The following KANSL1L variants were observed in gnomAD, a reference collection of about 807,000 sequenced individuals.
KANSL1L encodes KAT8 regulatory NSL complex subunit 1 like.
KANSL1L carries 25 observed loss-of-function variants against 108.6 expected under a neutral mutation model. That is an observed-to-expected ratio of 0.23 (90% CI 0.17 to 0.32). The LOEUF (loss-of-function observed/expected upper bound fraction) is 0.32. Ranked by LOEUF, KANSL1L falls within the 10% of genes least tolerant of loss-of-function variation. The pLI is 1.00. For missense variants in KANSL1L, 1,137 were observed against 1,125.7 expected, an observed-to-expected ratio of 1.01 and a Z score of -0.14; for synonymous variants, 405 against 395.1, an observed-to-expected ratio of 1.03 and a Z score of -0.30.
At chr2:210,161,808 C>T (rs2095362800) in intron 1 of KANSL1L, among the ~76,000 whole-genome samples, 1 of 151,726 alleles carries the variant, frequency 6.6e-6, no homozygotes, top group Non-Finnish European at 1.5e-5. Context: ...TTCATTTATA[C>T]AGATAGTAAA....
chr2:210,137,509 T>C (rs1250325205), intron 2 of KANSL1L, among the ~76,000 whole-genome samples: 1 of 152,216 alleles, frequency 6.6e-6, no homozygotes, highest in Non-Finnish European at 1.5e-5. Flanking sequence ...TTTAAAATGC[T>C]GTAACAGAAT....
At chr2:210,062,835 G>T (rs557868792) in intron 6 of KANSL1L, among the ~76,000 whole-genome samples, 1 of 152,288 alleles carries the variant, frequency 6.6e-6, no homozygotes, top group Non-Finnish European at 1.5e-5. Context: ...CATAAAATTT[G>T]GAAACGTTGC....
intron 4 of KANSL1L, among the ~76,000 whole-genome samples, chr2:210,101,324 C>T (rs1372276723): frequency 6.6e-6 from 1 of 152,178 alleles, no homozygotes; most frequent in Non-Finnish European, 1.5e-5. Flanking sequence ...CTTCATTTTA[C>T]ACTAGGATCT....
Position 210,101,198 on chromosome 2 carries a change from C to T in KANSL1L, c.1428+2906G>A, listed in dbSNP as rs76786115. 7.9e-4 allele frequency among the ~76,000 whole-genome samples: 120 copies of T among 152,296 alleles called. 3 individuals carry two copies. In the East Asian group the frequency reaches 0.023, roughly 29 times the overall value. ...GACCTAAAATGATACCCAGGACCAG[C>T]TTCATGGGCATGTAACCTGTGCACC... On this transcript the variant is annotated intron_variant, in intron 4 of 14. Transcript: ENST00000281772.
In KANSL1L at chr2:210,153,906, T is replaced by C. The variant is rs1029185495; in HGVS notation, c.677A>G (p.His226Arg). The change falls in exon 2 of 15, where the codon CAT becomes CGT. Residue 226 changes from histidine to arginine, a missense_variant. His to Arg is a conservative substitution (Grantham distance 29). Transcript: ENST00000281772. ...KEEEVHARLL[H>R]CVSKQKILLS... is the part of the protein sequence containing the mutation. ...TAAAATTTTCTGTTTGCTTACACAATGAAGTAAACGAGCATGTACTTCCTC... is the reference window on the plus strand; with the variant it reads ...TAAAATTTTCTGTTTGCTTACACAACGAAGTAAACGAGCATGTACTTCCTC... 3 of 1,613,092 alleles carry C rather than the reference T, an allele frequency of 1.9e-6. No individual in the cohort carries two copies. Among genetic ancestry groups the C allele is most frequent in the South Asian group, 2.2e-5 (2 of 90,856 alleles).
In KANSL1L at chr2:210,023,105, T is replaced by C. The variant is rs746213602; in HGVS notation, c.2808A>G (p.Lys936=). ...DMAALLCQDE[K]KDQVERSSTA... Reference sequence around the variant, plus strand: ...TGCTTGACCTTTCAACCTGATCCTTTTTTTCATCTTGACATAATAAGGCTG... The same window carrying C: ...TGCTTGACCTTTCAACCTGATCCTTCTTTTCATCTTGACATAATAAGGCTG... Residue 936 remains lysine, a synonymous_variant, in exon 15 of 15, where the codon AAA becomes AAG. Transcript: ENST00000281772. The C allele has an allele frequency of 5.6e-6, 9 of 1,613,972 alleles. No homozygotes were observed. The highest frequency in any genetic ancestry group is 7.6e-6 in the Non-Finnish European group (9 of 1,179,968).
intron 6 of KANSL1L, among the ~76,000 whole-genome samples, chr2:210,065,317 G>GAAA (rs2094457870): frequency 1.3e-5 from 1 of 78,904 alleles, no homozygotes; most frequent in African/African-American, 4.8e-5. Context: ...AAAAAAAAAA[G>GAAA]AATCTGTTAC....
In KANSL1L at chr2:210,079,642, A is replaced by ATATATATATATATGTATGTG. The variant is rs2094569506; in HGVS notation, c.1551-3887_1551-3886insCACATACATATATATATATA. 2.2e-3 allele frequency among the ~76,000 whole-genome samples: 14 copies of ATATATATATATATGTATGTG among 6,482 alleles called. 1 individual carries two copies. Among genetic ancestry groups the ATATATATATATATGTATGTG allele is most frequent in the Middle Eastern group, 0.12 (1 of 8 alleles). 4.3% of individuals were successfully genotyped at this position (6,482 alleles called of 152,430 possible). A position where few individuals can be genotyped will look rare whatever the true frequency, so the allele number is the denominator to read the frequency against. ...TATATATATATATATATATATATAT[A>ATATATATATATATGTATGTG]TATATATATATATATATATATATGT... On this transcript the variant is annotated intron_variant, in intron 5 of 14. Coordinates refer to ENST00000281772, the MANE Select transcript of KANSL1L (RefSeq NM_152519.4).
intron 14 of KANSL1L, 146 bp from the exon 15 acceptor site, chr2:210,023,325 G>GCAA: frequency 1.6e-6 from 1 of 635,480 alleles, no homozygotes; most frequent in Non-Finnish European, 2.7e-6. Flanking sequence ...AACTTAAATA[G>GCAA]CAACTCAAAA....
At position 210,044,641 on chromosome 2, in the gene KANSL1L, C is replaced by T. The variant is rs184837045; in HGVS notation, c.1756-537G>A. Among the ~76,000 whole-genome samples, 336 of 150,532 alleles carry T rather than the reference C, an allele frequency of 2.2e-3. 2 individuals are homozygous for T. The highest frequency in any genetic ancestry group is 0.01 in the Middle Eastern group (3 of 288). ...TTATCAGAATATATTCCTAGCTTGC[C>T]AAAAGAACTTGAAAAAAAATATATT... On this transcript the variant is annotated intron_variant, in intron 6 of 14. Coordinates refer to ENST00000281772, the MANE Select transcript of KANSL1L (RefSeq NM_152519.4). This position sits in a 1 kb window ranked among gnomAD's most constrained non-coding sequence, Gnocchi z 4.2.
chr2:210,132,716 T>C (rs2095133207), intron 2 of KANSL1L, among the ~76,000 whole-genome samples: 1 of 152,196 alleles, frequency 6.6e-6, no homozygotes, highest in Non-Finnish European at 1.5e-5. Flanking sequence ...CTAGACCCTA[T>C]TTGTTATTTC....
At chr2:210,170,913 A>C (rs977437790) in intron 1 of KANSL1L, among the ~76,000 whole-genome samples, 2 of 142,736 alleles carry the variant, frequency 1.4e-5, no homozygotes, top group African/African-American at 5.2e-5. Context: ...CCAGCTGCCA[A>C]GGCTGTTAGG....
chr2:210,094,439 A>G (rs1330297283), intron 5 of KANSL1L, among the ~76,000 whole-genome samples: 1 of 152,122 alleles, frequency 6.6e-6, no homozygotes, highest in African/African-American at 2.4e-5. Flanking sequence ...TTTTCTTCAT[A>G]TACAACTATG....
In KANSL1L at chr2:210,047,957, T is replaced by C. The variant is rs946141394; in HGVS notation, c.1756-3853A>G. On this transcript the variant is annotated intron_variant, in intron 6 of 14. Transcript: ENST00000281772. ...ACATATGATTTGCCCCTCAAGGTTT[T>C]CAACCAAATATTTGATTTATTTTAT... is the stretch of plus-strand genomic sequence containing the variant. Among the ~76,000 whole-genome samples the C allele has an allele frequency of 3.9e-5, 6 of 152,340 alleles. No individual in the cohort carries two copies. In the South Asian group the frequency reaches 1.2e-3, roughly 32 times the overall value.
rs2094202525 is a variant in KANSL1L, at chr2:210,044,531, A to G, written c.1756-427T>C. The stretch of plus-strand genomic sequence containing the variant: ...AGGAGACATATGTGTTTTGTTCCTG[A>G]TTGTAATGGGAATGCTTTTAATTTA... On this transcript the variant is annotated intron_variant, in intron 6 of 14. Coordinates refer to ENST00000281772, the MANE Select transcript of KANSL1L (RefSeq NM_152519.4). The surrounding 1 kb of genome is among the most constrained non-coding windows in gnomAD (Gnocchi z 4.2). Among the ~76,000 whole-genome samples the G allele has an allele frequency of 6.6e-6, 1 of 151,734 alleles. No individual in the cohort carries two copies. Among genetic ancestry groups the G allele is most frequent in the Admixed American group, 6.6e-5 (1 of 15,230 alleles).
intron 2 of KANSL1L, among the ~76,000 whole-genome samples, chr2:210,147,015 C>T (rs1204299548): frequency 1.3e-5 from 2 of 152,136 alleles, no homozygotes; most frequent in East Asian, 3.8e-4. Context: ...AAAATCCCAG[C>T]TTTGCCATTA....
intron 6 of KANSL1L, among the ~76,000 whole-genome samples, chr2:210,050,693 GAAAAAAA>G (rs1169870752): frequency 1.5e-3 from 82 of 53,454 alleles, no homozygotes; most frequent in African/African-American, 4.2e-3. Context: ...CATCTCTACA[GAAAAAAA>G]AAAAAAAAAA....
At chr2:210,051,761 G>A (rs1456250293) in intron 6 of KANSL1L, among the ~76,000 whole-genome samples, 1 of 151,964 alleles carries the variant, frequency 6.6e-6, no homozygotes, top group East Asian at 1.9e-4. Context: ...TTATCTTCTA[G>A]ATATTCAGAA....
chr2:210,131,192 A>C (rs544718532), intron 2 of KANSL1L, among the ~76,000 whole-genome samples: 2 of 152,258 alleles, frequency 1.3e-5, no homozygotes, highest in African/African-American at 4.8e-5. Context: ...GCCGCAGTAC[A>C]CCTCTGCTGT....
Sources: allele counts gnomAD v4.1 joint callset (sites outside exome capture counted in the v4.1 genomes callset), GRCh38; gene constraint gnomAD v4.1.1; non-coding constraint Gnocchi (gnomAD v3.1); transcripts MANE v1.5; gene names NCBI Gene and HGNC (gene_info 2026-07-23, HGNC 2026-07-21).